The following NUP205 variants were observed in gnomAD, a reference collection of about 807,000 sequenced individuals.
The protein encoded by NUP205 is nuclear pore complex protein Nup205.
A neutral mutation model predicts 253.8 loss-of-function variants in NUP205; 76 were observed. The observed-to-expected ratio is 0.30, with a 90% confidence interval of 0.25 to 0.36. The LOEUF is 0.36. Ranked by LOEUF, NUP205 falls within the 10% of genes least tolerant of loss-of-function variation. NUP205 has a pLI of 1.00. For missense variants in NUP205, 2,162 were observed against 2,425.5 expected, an observed-to-expected ratio of 0.89 and a Z score of 2.28; for synonymous variants, 832 against 850.1, an observed-to-expected ratio of 0.98 and a Z score of 0.37.
chr7:135,645,100 C>G (rs539524847), intron 40 of NUP205, 82 bp downstream of exon 40: 1 of 1,510,772 alleles, frequency 6.6e-7, no homozygotes, highest in Admixed American at 1.9e-5. Context: ...ATTTGGGCAC[C>G]AAAACCAGGT....
At chr7:135,573,378 A>T (rs960514732) in intron 2 of NUP205, among the ~76,000 whole-genome samples, 1 of 152,194 alleles carries the variant, frequency 6.6e-6, no homozygotes, top group Non-Finnish European at 1.5e-5. Context: ...TTCTGTAGAA[A>T]CTTGAAAAAT....
Position 135,594,666 on chromosome 7 carries a change from C to T in NUP205, c.1950C>T (p.Leu650=), listed in dbSNP as rs769278639. ...TAAAAGCTGAGCTACTGAAGACACT[C>T]GCAGCTTTTGGAAAATCTCCTGAAA... ...PVLKAELLKT[L]AAFGKSPEIA... Residue 650 remains leucine (L), a synonymous_variant, in exon 13 of 43, where the codon CTC becomes CTT. Coordinates refer to ENST00000285968, the MANE Select transcript of NUP205 (RefSeq NM_015135.3). The T allele has an allele frequency of 2.5e-5, 40 of 1,613,712 alleles. No individual in the cohort carries two copies. The highest frequency in any genetic ancestry group is 3.2e-5 in the Non-Finnish European group (38 of 1,179,870).
intron 17 of NUP205, among the ~76,000 whole-genome samples, chr7:135,602,172 C>G (rs1470353483): frequency 6.6e-6 from 1 of 152,106 alleles, no homozygotes; most frequent in Non-Finnish European, 1.5e-5. Context: ...AAAAGAGATT[C>G]TAAACATATG....
chr7:135,632,548 G>A (rs1794734750), intron 35 of NUP205, among the ~76,000 whole-genome samples: 1 of 151,972 alleles, frequency 6.6e-6, no homozygotes, highest in African/African-American at 2.4e-5. Flanking sequence ...CTGTCTCGGT[G>A]GCTGAGCCCT....
At chr7:135,593,643 GTATA>G (rs1310002919) in intron 12 of NUP205, among the ~76,000 whole-genome samples, 6 of 152,264 alleles carry the variant, frequency 3.9e-5, no homozygotes, top group Non-Finnish European at 8.8e-5. Context: ...TTTCATGACT[GTATA>G]TAATTTCCCA....
chr7:135,632,378 A>C (rs1167651911), intron 35 of NUP205, among the ~76,000 whole-genome samples: 1 of 152,220 alleles, frequency 6.6e-6, no homozygotes, highest in Non-Finnish European at 1.5e-5. Flanking sequence ...AAAGTCACAC[A>C]GATAACACTG....
Position 135,577,957 on chromosome 7 carries a change from T to C in NUP205, c.810T>C (p.Ala270=). ...ANGSLDAVNL[A]LLMALLYCFD... is the part of the protein sequence containing the mutation. ...GCTCACTGGATGCAGTGAATCTGGC[T>C]CTTCTTATGGCGCTTCTATACTGTT... Residue 270 remains alanine, a synonymous_variant, in exon 6 of 43, where the codon GCT becomes GCC. Transcript: ENST00000285968. 1.2e-6 allele frequency: 2 copies of C among 1,614,104 alleles called. No homozygotes were observed. The highest frequency in any genetic ancestry group is 1.1e-5 in the South Asian group (1 of 91,084).
rs1467720882 is a variant in NUP205 at position 135,597,210 on chromosome 7, A to G, written c.2014-158A>G. ...CTATCTCAACCTGGCAGAACTGCTA[A>G]TGAAAGTCCATCCAGGGACTAATTG... On this transcript the variant is annotated intron_variant, in intron 13 of 42. Coordinates refer to ENST00000285968, the MANE Select transcript of NUP205 (RefSeq NM_015135.3). 2.4e-5 allele frequency: 12 copies of G among 500,670 alleles called. No individual in the cohort carries two copies. In the East Asian group the frequency reaches 3.0e-4, roughly 13 times the overall value. The allele number at this position is 500,670 out of a possible 1,614,324, so 31.0% of individuals were successfully genotyped here. A position where few individuals can be genotyped will look rare whatever the true frequency, so the allele number is the denominator to read the frequency against.
Position 135,594,549 on chromosome 7 carries a change from T to G in NUP205, c.1833T>G (p.Ser611Arg). 1 of 1,578,536 alleles carries G rather than the reference T, an allele frequency of 6.3e-7. No homozygotes were observed. Among genetic ancestry groups the G allele is most frequent in the Non-Finnish European group, 8.6e-7 (1 of 1,167,638 alleles). Residue 611 changes from serine to arginine, a missense_variant and splice_region_variant, in exon 13 of 43, where the codon AGT becomes AGG. By Grantham distance (110) the Ser-to-Arg change is moderately radical. Transcript: ENST00000285968. ...ATTCTTTTTGTGTCAATTCTTAGAGTGAAAATGCTCGCTTGGCACTCTGTG... is the reference window on the plus strand; with the variant it reads ...ATTCTTTTTGTGTCAATTCTTAGAGGGAAAATGCTCGCTTGGCACTCTGTG... ...LQLTSTIITWSENARLALCEH... is the reference protein window; with the variant it reads ...LQLTSTIITWRENARLALCEH...
chr7:135,558,258 A>C, intron 1 of NUP205: 1 of 453,950 alleles, frequency 2.2e-6, no homozygotes, highest in Non-Finnish European at 4.1e-6. Context: ...GGTCCCCCTC[A>C]CCCCCAAGTT....
intron 12 of NUP205, among the ~76,000 whole-genome samples, chr7:135,593,457 T>C (rs373507022): frequency 1.3e-5 from 2 of 152,138 alleles, no homozygotes; most frequent in South Asian, 2.1e-4. Context: ...AAGAACCAGT[T>C]GTTGGATGCA....
chr7:135,611,505 TCTTTTC>T (rs1268589545), intron 22 of NUP205, among the ~76,000 whole-genome samples: 1 of 152,258 alleles, frequency 6.6e-6, no homozygotes. Flanking sequence ...AGCTTTTTAC[TCTTTTC>T]CTTGTCTTCT....
intron 22 of NUP205, among the ~76,000 whole-genome samples, chr7:135,611,022 G>C (rs538052698): frequency 6.9e-6 from 1 of 145,982 alleles, no homozygotes; most frequent in African/African-American, 2.6e-5. Context: ...TTTTTTGGGT[G>C]GGGGACAGAG....
At position 135,619,608 on chromosome 7, in the gene NUP205, C is replaced by G. The variant is rs150498874; in HGVS notation, c.4149C>G (p.Asn1383Lys). ...TCACCTCACCTCCTCCTGAAGAGAA[C>G]CCATTAGTGGGTTTTGCTTCTATTG... ...SCFTSPPPEE[N>K]PLVGFASIGD... The change falls in exon 29 of 43, where the codon AAC (asparagine) becomes AAG (lysine). Residue 1383 changes from asparagine (N) to lysine (K), a missense_variant. Asn to Lys is a moderately conservative substitution (Grantham distance 94, BLOSUM62 0). This residue lies in a region of NUP205 where 1,144 missense variants were observed against 1,280.9 expected (regional missense o/e 0.89). Transcript: ENST00000285968. The G allele has an allele frequency of 6.2e-7, 1 of 1,614,118 alleles. No homozygotes were observed. The highest frequency in any genetic ancestry group is 1.1e-5 in the South Asian group (1 of 91,088).
intron 38 of NUP205, among the ~76,000 whole-genome samples, chr7:135,639,724 G>T (rs935155168): frequency 4.6e-5 from 7 of 151,838 alleles, no homozygotes; most frequent in African/African-American, 1.7e-4. Flanking sequence ...TAACCCAAAG[G>T]ATTATAAATC....
In NUP205 at chr7:135,571,092, T is replaced by G; in HGVS notation, c.29-13T>G. ...TTTTCTTTGACGGTGGTTTCATTTA[T>G]TTTTTCTTTAAGCTGCTAGTCTATG... On this transcript the variant is annotated splice_polypyrimidine_tract_variant and intron_variant, in intron 1 of 42. Coordinates refer to ENST00000285968, the MANE Select transcript of NUP205 (RefSeq NM_015135.3). 1 of 1,539,110 alleles carries G rather than the reference T, an allele frequency of 6.5e-7. No individual in the cohort carries two copies. The highest frequency in any genetic ancestry group is 1.2e-5 in the South Asian group (1 of 81,758).
intron 12 of NUP205, among the ~76,000 whole-genome samples, chr7:135,594,235 A>G (rs1307007253): frequency 1.3e-5 from 2 of 152,078 alleles, no homozygotes; most frequent in African/African-American, 2.4e-5. Context: ...TCCAGAAAGG[A>G]TTTAAGATGC....
At chr7:135,564,245 A>AT (rs35094813) in intron 1 of NUP205, among the ~76,000 whole-genome samples, 6,418 of 123,968 alleles carry the variant, frequency 0.052, 217 homozygotes, top group South Asian at 0.11. Context: ...ATGCCCAGCT[A>AT]TTTTTTTTTT....
chr7:135,558,145 G>C (rs1805482042), intron 1 of NUP205, 173 bp downstream of exon 1: 1 of 656,742 alleles, frequency 1.5e-6, no homozygotes, highest in African/African-American at 1.8e-5. Flanking sequence ...GCGCGCGTCG[G>C]TGCTGCGGCT....
Sources: gnomAD v4.1 joint callset for allele counts (sites outside exome capture counted in the v4.1 genomes callset) on GRCh38, gnomAD v4.1.1 for gene constraint, gnomAD v4.1.1 regional missense constraint, MANE v1.5 for transcripts, NCBI Gene and HGNC (gene_info 2026-07-23, HGNC 2026-07-21) for gene names.